MAGI1: variants seen among roughly 807,000 people sequenced by gnomAD.
MAGI1 encodes membrane-associated guanylate kinase, WW and PDZ domain-containing protein 1.
A neutral mutation model predicts 139.9 loss-of-function variants in MAGI1; 58 were observed. The observed-to-expected ratio is 0.41, with a 90% CI of 0.34 to 0.52. MAGI1 has a LOEUF of 0.52. MAGI1 is among the 20% of genes least tolerant of loss of function. MAGI1 has a pLI of 0.12. For missense variants in MAGI1, 1,874 were observed against 1,901.6 expected, an observed-to-expected ratio of 0.99 and a Z score of 0.27; for synonymous variants, 812 against 737.9, an observed-to-expected ratio of 1.10 and a Z score of -1.63.
At chr3:65,958,354 T>A (rs2064238395) in intron 1 of MAGI1, among the ~76,000 whole-genome samples, 1 of 152,228 alleles carries the variant, frequency 6.6e-6, no homozygotes, top group Admixed American at 6.5e-5. Context: ...CAGCAACATT[T>A]TAAACTCTGT....
chr3:66,010,556 C>CA (rs1318020437), intron 1 of MAGI1, among the ~76,000 whole-genome samples: 1 of 152,196 alleles, frequency 6.6e-6, no homozygotes, highest in African/African-American at 2.4e-5. Flanking sequence ...AGGCTGAAAA[C>CA]AAGCACACTT....
intron 1 of MAGI1, among the ~76,000 whole-genome samples, chr3:65,958,902 G>C (rs576107290): frequency 1.3e-5 from 2 of 151,886 alleles, no homozygotes; most frequent in East Asian, 3.9e-4. Flanking sequence ...CACGAGAATC[G>C]TTTGAACCCC....
In MAGI1 at chr3:65,818,003, T is replaced by A. The variant is rs1045323833; in HGVS notation, c.314-195915A>T. On this transcript the variant is annotated intron_variant, in intron 1 of 22. Coordinates refer to ENST00000402939, the MANE Select transcript of MAGI1 (RefSeq NM_001033057.2). ...ACACAGGGAAAGCCAAAAGACATAATGCATTAACTGCAGTTAGAAAACAAC... is the reference window on the plus strand; with the variant it reads ...ACACAGGGAAAGCCAAAAGACATAAAGCATTAACTGCAGTTAGAAAACAAC... 3.3e-5 allele frequency among the ~76,000 whole-genome samples: 5 copies of A among 151,992 alleles called. No homozygotes were observed. In the East Asian group the frequency reaches 9.7e-4, roughly 29 times the overall value.
chr3:65,442,892 TGAAGA>T, intron 7 of MAGI1, 43 bp from the exon 8 acceptor site: 2 of 1,494,708 alleles, frequency 1.3e-6, no homozygotes, highest in Non-Finnish European at 1.9e-6. Flanking sequence ...AGCATATTCT[TGAAGA>T]GCCTGGGTGT....
At chr3:66,030,485 G>C (rs1043889438) in intron 1 of MAGI1, among the ~76,000 whole-genome samples, 5 of 152,150 alleles carry the variant, frequency 3.3e-5, no homozygotes, top group African/African-American at 9.7e-5. Flanking sequence ...TAGAGAAAGA[G>C]GTAAAATAAG....
intron 1 of MAGI1, among the ~76,000 whole-genome samples, chr3:65,738,026 C>T (rs919389483): frequency 6.6e-6 from 1 of 152,170 alleles, no homozygotes; most frequent in African/African-American, 2.4e-5. Context: ...TCCAGTTTTC[C>T]TTCCTCTTTG....
intron 1 of MAGI1, among the ~76,000 whole-genome samples, chr3:65,927,440 A>T (rs1476134491): frequency 6.6e-6 from 1 of 152,244 alleles, no homozygotes; most frequent in Non-Finnish European, 1.5e-5. Context: ...CAGGATCCAA[A>T]GCCATTTAAT....
At chr3:65,541,950 G>A (rs997877122) in intron 2 of MAGI1, among the ~76,000 whole-genome samples, 2 of 152,092 alleles carry the variant, frequency 1.3e-5, no homozygotes, top group Non-Finnish European at 2.9e-5. Context: ...GAAATAAAGG[G>A]TATTCAATTA....
chr3:65,501,955 T>TA (rs770073023), intron 2 of MAGI1, among the ~76,000 whole-genome samples: 5 of 152,180 alleles, frequency 3.3e-5, no homozygotes, highest in Non-Finnish European at 7.3e-5. Flanking sequence ...TTACACACTG[T>TA]ATGATTACTC....
rs2041646405 is a variant in MAGI1, at chr3:65,816,992, G to A, written c.314-194904C>T. On this transcript the variant is annotated intron_variant, in intron 1 of 22. Coordinates refer to ENST00000402939, the MANE Select transcript of MAGI1 (RefSeq NM_001033057.2). ...TAATGGAGCATTTATGCATTATCTT[G>A]CATATTGTAGTCAATCATACATGCA... 1.3e-5 allele frequency among the ~76,000 whole-genome samples: 2 copies of A among 152,124 alleles called. 1 individual carries two copies. Among genetic ancestry groups the A allele is most frequent in the South Asian group, 4.1e-4 (2 of 4,826 alleles).
intron 2 of MAGI1, among the ~76,000 whole-genome samples, chr3:65,611,676 T>C (rs1005493543): frequency 5.2e-4 from 69 of 133,480 alleles, no homozygotes; most frequent in Non-Finnish European, 9.4e-4. Flanking sequence ...TAGTATACTA[T>C]ATATAGTGTC....
At chr3:65,645,594 A>G (rs535040836) in intron 1 of MAGI1, among the ~76,000 whole-genome samples, 1 of 152,274 alleles carries the variant, frequency 6.6e-6, no homozygotes, top group Admixed American at 6.5e-5. Context: ...GGACAAAAAG[A>G]GGGAAGAAAA....
chr3:66,030,569 C>T (rs1403059903), intron 1 of MAGI1, among the ~76,000 whole-genome samples: 2 of 152,252 alleles, frequency 1.3e-5, no homozygotes, highest in Admixed American at 6.5e-5. Context: ...GGGAATGACA[C>T]GTGGCAGTGG....
chr3:65,858,216 A>G, intron 1 of MAGI1, among the ~76,000 whole-genome samples: 1 of 152,224 alleles, frequency 6.6e-6, no homozygotes, highest in East Asian at 1.9e-4. Flanking sequence ...ATCAAACAAA[A>G]CTCATGACCA....
chr3:65,426,831 T>TA (rs1394252886), intron 12 of MAGI1, among the ~76,000 whole-genome samples: 4 of 152,204 alleles, frequency 2.6e-5, no homozygotes, highest in African/African-American at 9.6e-5. Context: ...ACACAAGACA[T>TA]ATGGTGTATT....
At chr3:65,705,608 C>G (rs1471201422) in intron 1 of MAGI1, among the ~76,000 whole-genome samples, 1 of 152,194 alleles carries the variant, frequency 6.6e-6, no homozygotes, top group Non-Finnish European at 1.5e-5. Flanking sequence ...TGCAGAAACC[C>G]TAATTTATGG....
intron 2 of MAGI1, among the ~76,000 whole-genome samples, chr3:65,507,770 T>C (rs1191751576): frequency 1.3e-5 from 2 of 152,240 alleles, no homozygotes; most frequent in African/African-American, 2.4e-5. Context: ...CATTATGTGG[T>C]ACTTCTCTGG....
chr3:65,916,802 T>TACACAC (rs919515937), intron 1 of MAGI1, among the ~76,000 whole-genome samples: 2 of 150,120 alleles, frequency 1.3e-5, no homozygotes, highest in African/African-American at 4.9e-5. Context: ...CACACACACA[T>TACACAC]ACACACACAC....
intron 13 of MAGI1, among the ~76,000 whole-genome samples, 164 bp from the exon 14 acceptor site, chr3:65,391,522 T>C (rs1943919776): frequency 6.6e-6 from 1 of 152,114 alleles, no homozygotes; most frequent in African/African-American, 2.4e-5. Flanking sequence ...TGTAGATAAA[T>C]CCCCAGGTGA....
Sources: gnomAD v4.1 joint callset for allele counts (sites outside exome capture counted in the v4.1 genomes callset) on GRCh38, gnomAD v4.1.1 for gene constraint, MANE v1.5 for transcripts, NCBI Gene and HGNC (gene_info 2026-07-23, HGNC 2026-07-21) for gene names.